Variants in SYCP3 observed in about 807,000 individuals in gnomAD.
SYCP3 encodes the protein synaptonemal complex protein 3.
In SYCP3, 29 loss-of-function variants were observed where a neutral mutation model predicts 38.5. That is an observed-to-expected ratio of 0.75 (90% CI 0.56 to 1.03). SYCP3 has a LOEUF of 1.03. Among genes scored for constraint, SYCP3 ranks in the 50% least tolerant of loss-of-function variants. SYCP3 has a pLI of 0.00. For synonymous variants in SYCP3, 79 were observed against 80.3 expected (o/e 0.98, Z 0.08); for missense variants, 242 against 270.7 (o/e 0.89, Z 0.74).
At chr12:101,731,121 T>C (rs1952173469) in intron 7 of SYCP3, among the ~76,000 whole-genome samples, 1 of 152,168 alleles carries the variant, frequency 6.6e-6, no homozygotes, top group Admixed American at 6.5e-5. Flanking sequence ...ACTGTAATAA[T>C]TCTAAAAGCA....
intron 4 of SYCP3, among the ~76,000 whole-genome samples, chr12:101,735,851 T>TATATATATATATATATA: frequency 1.0e-5 from 1 of 96,078 alleles, no homozygotes; most frequent in African/African-American, 4.6e-5. Context: ...ATAATCAATT[T>TATATATATATATATATA]TATATATATA....
At position 101,728,659 on chromosome 12, in the gene SYCP3, C is replaced by T. The variant is rs1408785530; in HGVS notation, c.*268G>A. ...AATGAAGCCAAACCTAAAATTAAAT[C>T]GTCTTTATTTAATTGACAGTGTTAG... On this transcript the variant is annotated 3_prime_UTR_variant, in exon 9 of 9. Transcript: ENST00000392924. 7.3e-6 allele frequency: 3 copies of T among 410,972 alleles called. No individual in the cohort carries two copies. The highest frequency in any genetic ancestry group is 1.3e-5 in the Non-Finnish European group (3 of 233,106). 25.5% of individuals were successfully genotyped at this position (410,972 alleles called of 1,614,324 possible). A position where few individuals can be genotyped will look rare whatever the true frequency, so the allele number is the denominator to read the frequency against.
At position 101,737,757 on chromosome 12, in the gene SYCP3, C is replaced by T. The variant is rs757948460; in HGVS notation, c.133+46G>A. ...TACGATAGTCTCAATGGGTTCAAAA[C>T]AAATGAACTGAAGGACATCACTGCC... is the stretch of plus-strand genomic sequence containing the variant. On this transcript the variant is annotated intron_variant, in intron 2 of 8. Transcript: ENST00000392924. 6 of 1,613,096 alleles carry T rather than the reference C, an allele frequency of 3.7e-6. No homozygotes were observed. The South Asian group carries it at 5.5e-5, about 15-fold the overall frequency.
At chr12:101,736,704 GTA>G (rs1166994508) in intron 4 of SYCP3, among the ~76,000 whole-genome samples, 6 of 103,722 alleles carry the variant, frequency 5.8e-5, no homozygotes, top group African/African-American at 1.5e-4. Context: ...ATGTATGTAT[GTA>G]TATGTGTGTG....
At chr12:101,731,797 T>A in intron 6 of SYCP3, 131 bp from the exon 7 acceptor site, 1 of 615,708 alleles carries the variant, frequency 1.6e-6, no homozygotes, top group Non-Finnish European at 2.7e-6. Flanking sequence ...TAACAACTAT[T>A]ATGACCACAT....
intron 1 of SYCP3, 25 bp downstream of exon 1, chr12:101,739,326 A>G (rs1010263322): frequency 1.0e-5 from 10 of 1,002,678 alleles, no homozygotes; most frequent in African/African-American, 7.0e-5. Flanking sequence ...CACCTGCGAT[A>G]GACAGACGCC....
rs765936103 is a variant in SYCP3 at position 101,729,230 on chromosome 12, CAAGTT to C, written c.553-22_553-18del. The C allele has an allele frequency of 2.0e-5, 33 of 1,611,244 alleles. No homozygotes were observed. The highest frequency in any genetic ancestry group is 8.9e-5 in the East Asian group (4 of 44,700). On this transcript the variant is annotated intron_variant, in intron 7 of 8. Transcript: ENST00000392924. ...TTCCATACTCTAAAAACACAAAAGA[CAAGTT>C]AAGTTACAAAGGACCACTTTTCATC...
chr12:101,732,229 A>G (rs1952218424), intron 6 of SYCP3: 1 of 153,094 alleles, frequency 6.5e-6, no homozygotes, highest in South Asian at 2.1e-4. Context: ...TCTAACCATT[A>G]TACATACTGT....
intron 7 of SYCP3, 29 bp downstream of exon 7, chr12:101,731,539 G>A (rs777670862): frequency 1.2e-5 from 17 of 1,404,896 alleles, no homozygotes; most frequent in African/African-American, 5.7e-5. Flanking sequence ...GTTTTATAAC[G>A]ATGTATTGTG....
chr12:101,738,712 G>C (rs1205687367), intron 1 of SYCP3, among the ~76,000 whole-genome samples: 1 of 152,200 alleles, frequency 6.6e-6, no homozygotes, highest in African/African-American at 2.4e-5. Context: ...CTCCAGCCTG[G>C]GCGACAGAGT....
At chr12:101,739,186 T>G (rs1952611075) in intron 1 of SYCP3, 165 bp downstream of exon 1, 416 of 382,778 alleles carry the variant, frequency 1.1e-3, no homozygotes, top group Non-Finnish European at 1.3e-3. Context: ...GCCCGCCCGC[T>G]TTCCACTAGG....
At chr12:101,731,138 C>A (rs112417399) in intron 7 of SYCP3, among the ~76,000 whole-genome samples, 44 of 152,000 alleles carry the variant, frequency 2.9e-4, no homozygotes, top group African/African-American at 1.0e-3. Context: ...AGCAAATGTG[C>A]CATAAAATAC....
At chr12:101,730,054 A>C (rs893882500) in intron 7 of SYCP3, among the ~76,000 whole-genome samples, 1 of 152,196 alleles carries the variant, frequency 6.6e-6, no homozygotes, top group African/African-American at 2.4e-5. Flanking sequence ...TCAATACCTA[A>C]GAATTTAGAA....
chr12:101,729,163 T>G lies in SYCP3; in HGVS notation c.603A>C (p.Gln201His). The G allele has an allele frequency of 6.2e-7, 1 of 1,613,164 alleles. No individual in the cohort carries two copies. The highest frequency in any genetic ancestry group is 8.5e-7 in the Non-Finnish European group (1 of 1,179,520). The change falls in exon 8 of 9, where the codon CAA becomes CAC. Residue 201 changes from glutamine to histidine, a missense_variant. Physicochemically the swap from Gln to His is conservative, Grantham distance 24 (BLOSUM62 0). Transcript: ENST00000392924. Reference protein sequence around the residue: ...KNHDNLLTGAQNEFKKEMAML... With the variant: ...KNHDNLLTGAHNEFKKEMAML... Reference sequence around the variant, plus strand: ...TAGCCATTTCTTTTTTAAATTCATTTTGTGCACCAGTAAGTAGATTATCAT... The same window carrying G: ...TAGCCATTTCTTTTTTAAATTCATTGTGTGCACCAGTAAGTAGATTATCAT...
rs1217813818 is a variant in SYCP3, at chr12:101,729,121, A to G, written c.645T>C (p.Ile215=). The change falls in exon 8 of 9, where the codon ATT becomes ATC. Residue 215 remains isoleucine (I), a synonymous_variant. Transcript: ENST00000392924. The part of the protein sequence containing the change: ...KKEMAMLQKK[I]MMETQQQEIA... ...TATGATCACTTACAGTTTCCATCAT[A>G]ATTTTTTTTTGCAACATAGCCATTT... 1.2e-6 allele frequency: 2 copies of G among 1,610,696 alleles called. No individual in the cohort carries two copies. Among genetic ancestry groups the G allele is most frequent in the South Asian group, 1.1e-5 (1 of 90,786 alleles).
intron 4 of SYCP3, among the ~76,000 whole-genome samples, chr12:101,735,585 C>A (rs987295599): frequency 9.2e-5 from 14 of 151,808 alleles, no homozygotes; most frequent in Admixed American, 2.6e-4. Context: ...CGCTTGAACC[C>A]GGGAGGCAGA....
chr12:101,737,275 G>T lies in SYCP3; in HGVS notation c.157C>A (p.Arg53Ser). The T allele has an allele frequency of 6.2e-7, 1 of 1,603,422 alleles. No homozygotes were observed. The highest frequency in any genetic ancestry group is 8.5e-7 in the Non-Finnish European group (1 of 1,174,804). The change falls in exon 3 of 9, where the codon CGT becomes AGT. Residue 53 changes from arginine to serine, a missense_variant. Physicochemically the swap from Arg to Ser is moderately radical, Grantham distance 110 (BLOSUM62 -1). Transcript: ENST00000392924. ...CCTGCAGAAGACCTTTTCTTCCTAC[G>T]TTTCTCAATGACTGCAGTCTTCCCT... ...IEGKTAVIEK[R>S]RKKRSSAGVV...
Position 101,739,376 on chromosome 12 carries a change from A to T in SYCP3, c.-43T>A. ...CTGAAACACACCGCAATGGCCGAGG[A>T]CCAGTTACTGGTCGTCGACAGGCGT... is the stretch of plus-strand genomic sequence containing the variant. On this transcript the variant is annotated 5_prime_UTR_variant, in exon 1 of 9. Coordinates refer to ENST00000392924, the MANE Select transcript of SYCP3 (RefSeq NM_001177949.2). 1.0e-6 allele frequency: 1 copy of T among 1,002,828 alleles called. No individual in the cohort carries two copies. The highest frequency in any genetic ancestry group is 1.2e-6 in the Non-Finnish European group (1 of 830,380). 62.1% of individuals were successfully genotyped at this position (1,002,828 alleles called of 1,614,324 possible).
At chr12:101,732,668 C>CTTTTTTT (rs549684402) in intron 6 of SYCP3, 3 of 136,280 alleles carry the variant, frequency 2.2e-5, no homozygotes, top group Non-Finnish European at 1.6e-5. Context: ...TTTCTTTTTT[C>CTTTTTTT]TTTTTTTTTT....
Sources: allele counts gnomAD v4.1 joint callset (sites outside exome capture counted in the v4.1 genomes callset), GRCh38; gene constraint gnomAD v4.1.1; transcripts MANE v1.5; gene names NCBI Gene and HGNC (gene_info 2026-07-23, HGNC 2026-07-21).